NFIB: variants seen among roughly 807,000 people sequenced by gnomAD.
NFIB encodes nuclear factor I B, also known as nuclear factor 1 B-type.
NFIB carries 11 observed loss-of-function variants against 61.5 expected under a neutral mutation model. That is an observed-to-expected ratio of 0.18 (90% confidence interval 0.11 to 0.30). The LOEUF (loss-of-function observed/expected upper bound fraction) is 0.30, where lower values mean the gene tolerates loss of function less well. Among genes scored for constraint, NFIB ranks in the 10% least tolerant of loss-of-function variants. The probability of loss-of-function intolerance (pLI) is 1.00; values close to 1 mark genes in which losing one functional copy is unlikely to be tolerated. For missense variants in NFIB, 471 were observed against 608.9 expected (o/e 0.77, Z 2.38); for synonymous variants, 260 against 216.5 (o/e 1.20, Z -1.76).
chr9:14,224,154 G>A (rs963532757), intron 2 of NFIB, among the ~76,000 whole-genome samples: 1 of 152,184 alleles, frequency 6.6e-6, no homozygotes, highest in Non-Finnish European at 1.5e-5. Context: ...ATTTCTGGCT[G>A]ACCCAGAAGG....
At chr9:14,161,025 T>G (rs2044137254) in intron 3 of NFIB, among the ~76,000 whole-genome samples, 1 of 152,082 alleles carries the variant, frequency 6.6e-6, no homozygotes, top group Admixed American at 6.6e-5. Context: ...TTCACTTTCT[T>G]CAACAGAGTT....
intron 3 of NFIB, among the ~76,000 whole-genome samples, chr9:14,173,214 T>G (rs1318312773): frequency 6.6e-6 from 1 of 152,168 alleles, no homozygotes; most frequent in Non-Finnish European, 1.5e-5. Context: ...GGCATGAACA[T>G]AATTGACTGC....
At chr9:14,119,061 T>A (rs2038576005) in intron 8 of NFIB, among the ~76,000 whole-genome samples, 1 of 152,066 alleles carries the variant, frequency 6.6e-6, no homozygotes, top group Non-Finnish European at 1.5e-5. Context: ...TGAATTAACG[T>A]TAAGGACTTT....
Position 14,162,899 on chromosome 9 carries a change from T to C in NFIB, c.617-7006A>G, listed in dbSNP as rs2044359801. Among the ~76,000 whole-genome samples, 3 of 152,064 alleles carry C rather than the reference T, an allele frequency of 2.0e-5. No homozygotes were observed. The South Asian group carries it at 6.2e-4, about 31-fold the overall frequency. ...GTTTATTTTTATGGCATAATAAAAT[T>C]AAATGTATGCCCTCTTATCTTTTTA... On this transcript the variant is annotated intron_variant, in intron 3 of 10. Transcript: ENST00000380953.
At chr9:14,289,746 C>T (rs2058969406) in intron 2 of NFIB, among the ~76,000 whole-genome samples, 1 of 151,916 alleles carries the variant, frequency 6.6e-6, no homozygotes, top group Admixed American at 6.6e-5. Context: ...AATGATGTGT[C>T]ATTTTTAATG....
chr9:14,459,356 A>G, the NFIB span, among the ~76,000 whole-genome samples: 2 of 152,226 alleles, frequency 1.3e-5, no homozygotes, highest in African/African-American at 4.8e-5. Context: ...CACCTTACAC[A>G]AAAACTAATT....
At chr9:14,297,539 A>G (rs2059511929) in intron 2 of NFIB, among the ~76,000 whole-genome samples, 1 of 152,246 alleles carries the variant, frequency 6.6e-6, no homozygotes, top group Admixed American at 6.5e-5. Context: ...CAAACCAGAA[A>G]GAAAAGAAAG....
At chr9:14,501,646 C>T in the NFIB span, among the ~76,000 whole-genome samples, 1 of 151,858 alleles carries the variant, frequency 6.6e-6, no homozygotes, top group African/African-American at 2.4e-5. Context: ...TGGCCAGGGC[C>T]CCCTCATTCT....
chr9:14,413,587 C>T, the NFIB span, among the ~76,000 whole-genome samples: 1 of 152,122 alleles, frequency 6.6e-6, no homozygotes, highest in East Asian at 1.9e-4. Context: ...AACATGTTGG[C>T]AGAATCTGAA....
At chr9:14,473,782 G>A in the NFIB span, among the ~76,000 whole-genome samples, 58 of 152,142 alleles carry the variant, frequency 3.8e-4, no homozygotes, top group Non-Finnish European at 6.5e-4. Context: ...ATTTAGGCCC[G>A]CATGATTTTT....
the NFIB span, among the ~76,000 whole-genome samples, chr9:14,483,245 C>T: frequency 2.6e-5 from 4 of 152,186 alleles, no homozygotes; most frequent in African/African-American, 7.2e-5. Flanking sequence ...CAGCAAAATA[C>T]ATTTGGGAAA....
At chr9:14,512,189 G>A in the NFIB span, among the ~76,000 whole-genome samples, 1 of 152,138 alleles carries the variant, frequency 6.6e-6, no homozygotes, top group Non-Finnish European at 1.5e-5. Context: ...TATGATTTGG[G>A]CAAAGGGTTC....
At chr9:14,320,173 CAATG>C (rs781653818) in intron 1 of NFIB, among the ~76,000 whole-genome samples, 18 of 152,180 alleles carry the variant, frequency 1.2e-4, no homozygotes, top group East Asian at 9.6e-4. Flanking sequence ...GGACCTCAAA[CAATG>C]AAACCGTCAC....
At chr9:14,321,945 G>T in intron 1 of NFIB, 2 of 1,231,514 alleles carry the variant, frequency 1.6e-6, no homozygotes, top group Non-Finnish European at 2.0e-6. Flanking sequence ...ACATACCATC[G>T]CACTGTATTG....
upstream of NFIB, among the ~76,000 whole-genome samples, chr9:14,315,100 G>A (rs1425563705): frequency 6.6e-6 from 1 of 152,040 alleles, no homozygotes; most frequent in African/African-American, 2.4e-5. Context: ...AGCAGGCGGG[G>A]ACCTGAGCGA....
intron 7 of NFIB, among the ~76,000 whole-genome samples, chr9:14,121,483 AT>A (rs539846259): frequency 5.8e-4 from 89 of 152,348 alleles, no homozygotes; most frequent in Non-Finnish European, 1.0e-3. Flanking sequence ...AGGAAAGACA[AT>A]AACTAATACA....
At chr9:14,515,494 C>T in the NFIB span, among the ~76,000 whole-genome samples, 1 of 152,262 alleles carries the variant, frequency 6.6e-6, no homozygotes, top group Admixed American at 6.5e-5. Context: ...GAGTGTTCCT[C>T]TAGCCAGGTG....
At chr9:14,151,344 A>C (rs1309781870) in intron 4 of NFIB, among the ~76,000 whole-genome samples, 1 of 152,166 alleles carries the variant, frequency 6.6e-6, no homozygotes, top group Non-Finnish European at 1.5e-5. Context: ...TGTTCGCTGA[A>C]AATTTGTTCA....
Position 14,307,344 on chromosome 9 carries a change from T to C in NFIB, c.207A>G (p.Lys69=), listed in dbSNP as rs1481013358. 1 of 1,614,012 alleles carries C rather than the reference T, an allele frequency of 6.2e-7. No homozygotes were observed. The highest frequency in any genetic ancestry group is 1.3e-5 in the African/African-American group (1 of 75,000). The change falls in exon 2 of 11, where the codon AAA becomes AAG. Residue 69 remains lysine, a synonymous_variant. Coordinates refer to ENST00000380953, the MANE Select transcript of NFIB (RefSeq NM_001190737.2). The surrounding 1 kb of genome is among the most constrained non-coding windows in gnomAD (Gnocchi z 5.3). The part of the protein sequence containing the change: ...DELLSEKPEI[K]QKWASRLLAK... The stretch of plus-strand genomic sequence containing the variant: ...CAAGGAGCCTGGATGCCCACTTCTG[T>C]TTGATTTCAGGCTTTTCACTGAGAA...
Sources: gnomAD v4.1 joint callset for allele counts (sites outside exome capture counted in the v4.1 genomes callset) on GRCh38, gnomAD v4.1.1 for gene constraint, Gnocchi (gnomAD v3.1) non-coding constraint, MANE v1.5 for transcripts, NCBI Gene and HGNC (gene_info 2026-07-23, HGNC 2026-07-21) for gene names.